The following DGKG variants were observed in gnomAD, a reference collection of about 807,000 sequenced individuals.
The protein encoded by DGKG is DAG kinase gamma.
In DGKG, 78 loss-of-function variants were observed where a neutral mutation model predicts 105.3. The ratio of observed to expected loss-of-function variants is 0.74; its 90% CI spans 0.62 to 0.89. DGKG has a LOEUF of 0.89. Among genes scored for constraint, DGKG ranks in the 40% least tolerant of loss-of-function variants. The pLI, the probability that DGKG is intolerant of heterozygous loss-of-function variation, is 0.00. For synonymous variants in DGKG, 346 were observed against 367.1 expected, an observed-to-expected ratio of 0.94 and a Z score of 0.66; for missense variants, 958 against 1,020.1, an observed-to-expected ratio of 0.94 and a Z score of 0.83.
In DGKG at chr3:186,333,246, C is replaced by T. The variant is rs10451934; in HGVS notation, c.-248-12539G>A. On this transcript the variant is annotated intron_variant, in intron 1 of 24. Coordinates refer to ENST00000265022, the MANE Select transcript of DGKG (RefSeq NM_001346.3). ...GTTAGGAAGGCAAATTCTTGGAACC[C>T]GCACCAGAGCTAGAGAAATTCAGGG... 2.6e-3 allele frequency among the ~76,000 whole-genome samples: 401 copies of T among 152,224 alleles called. 2 individuals carry two copies. Among genetic ancestry groups the T allele is most frequent in the African/African-American group, 8.1e-3 (336 of 41,528 alleles).
At chr3:186,250,697 C>A (rs1034102777) in intron 19 of DGKG, among the ~76,000 whole-genome samples, 1 of 151,486 alleles carries the variant, frequency 6.6e-6, no homozygotes, top group Non-Finnish European at 1.5e-5. Context: ...TTACAGGCAC[C>A]CACCACCACG....
intron 13 of DGKG, among the ~76,000 whole-genome samples, chr3:186,265,669 T>TC (rs1722020090): frequency 7.1e-6 from 1 of 141,180 alleles, no homozygotes; most frequent in East Asian, 2.1e-4. Flanking sequence ...TTTTTTTTTT[T>TC]TTTTTTTTTT....
In DGKG at chr3:186,241,258, A is replaced by G. The variant is rs148548205; in HGVS notation, c.1826+1246T>C. ...GGGCTTTAAATGAATGTCTTCAATG[A>G]ACACTCTAACCTCTCTTTTAAGGAC... is the stretch of plus-strand genomic sequence containing the variant. On this transcript the variant is annotated intron_variant, in intron 20 of 24. Coordinates refer to ENST00000265022, the MANE Select transcript of DGKG (RefSeq NM_001346.3). 1.5e-4 allele frequency among the ~76,000 whole-genome samples: 23 copies of G among 152,266 alleles called. No homozygotes were observed. In the East Asian group the frequency reaches 3.9e-3, roughly 26 times the overall value.
intron 2 of DGKG, among the ~76,000 whole-genome samples, chr3:186,310,290 C>CAAAAA (rs886723244): frequency 4.3e-5 from 3 of 69,814 alleles, no homozygotes; most frequent in African/African-American, 6.0e-5. Context: ...AAAAAAAAAA[C>CAAAAA]CACACACACA....
At chr3:186,309,840 T>C (rs1724430992) in intron 2 of DGKG, among the ~76,000 whole-genome samples, 1 of 152,244 alleles carries the variant, frequency 6.6e-6, no homozygotes, top group Admixed American at 6.5e-5. Flanking sequence ...TCCTGCTTTA[T>C]ATTTAAATGT....
chr3:186,266,387 T>A (rs1722058505), intron 13 of DGKG, among the ~76,000 whole-genome samples: 1 of 152,222 alleles, frequency 6.6e-6, no homozygotes, highest in African/African-American at 2.4e-5. Context: ...TCATCTATTC[T>A]CCTGTTAATG....
intron 5 of DGKG, among the ~76,000 whole-genome samples, chr3:186,295,842 G>A (rs1723531489): frequency 6.6e-6 from 1 of 151,994 alleles, no homozygotes; most frequent in Admixed American, 6.6e-5. Flanking sequence ...TTCTGTGCTG[G>A]GTGTGGTGGC....
chr3:186,198,799 G>A (rs1199499382), intron 21 of DGKG, among the ~76,000 whole-genome samples: 1 of 152,196 alleles, frequency 6.6e-6, no homozygotes, highest in Admixed American at 6.5e-5. Flanking sequence ...GAAAGTACTG[G>A]GAGTCAAAGA....
intron 24 of DGKG, among the ~76,000 whole-genome samples, chr3:186,150,706 A>G (rs759092802): frequency 1.2e-4 from 19 of 152,216 alleles, no homozygotes; most frequent in Admixed American, 3.3e-4. Flanking sequence ...AGAGTTCCCA[A>G]TTGAGTGCCT....
intron 22 of DGKG, among the ~76,000 whole-genome samples, chr3:186,172,585 C>T (rs1716877241): frequency 6.6e-6 from 1 of 152,232 alleles, no homozygotes; most frequent in Non-Finnish European, 1.5e-5. Flanking sequence ...GGCTGGAATC[C>T]TGTCAGTTCA....
intron 20 of DGKG, among the ~76,000 whole-genome samples, chr3:186,238,195 G>A (rs966822504): frequency 4.7e-5 from 7 of 150,516 alleles, no homozygotes; most frequent in Non-Finnish European, 1.0e-4. Context: ...TACTCAGGAG[G>A]CTGTGTAGGA....
intron 1 of DGKG, among the ~76,000 whole-genome samples, chr3:186,327,127 G>A (rs1190211899): frequency 2.0e-5 from 3 of 152,106 alleles, no homozygotes; most frequent in African/African-American, 7.2e-5. Context: ...TTGCACCATT[G>A]CACTCCAGCC....
At chr3:186,207,049 G>C (rs1718780644) in intron 21 of DGKG, among the ~76,000 whole-genome samples, 1 of 152,080 alleles carries the variant, frequency 6.6e-6, no homozygotes, top group African/African-American at 2.4e-5. Flanking sequence ...GCACCCAGCT[G>C]ACATGCTGGC....
At chr3:186,337,957 C>T (rs1184677691) in intron 1 of DGKG, among the ~76,000 whole-genome samples, 1 of 151,842 alleles carries the variant, frequency 6.6e-6, no homozygotes, top group Non-Finnish European at 1.5e-5. Flanking sequence ...ATTGCCTGAG[C>T]CCAGGAGTTC....
chr3:186,294,282 C>A (rs1021222713), intron 5 of DGKG, among the ~76,000 whole-genome samples: 1 of 152,148 alleles, frequency 6.6e-6, no homozygotes, highest in Admixed American at 6.5e-5. Flanking sequence ...TAAAACACAA[C>A]CTGCTCAGAC....
chr3:186,358,897 A>G (rs757263230), intron 1 of DGKG, among the ~76,000 whole-genome samples: 3 of 152,336 alleles, frequency 2.0e-5, no homozygotes, highest in Middle Eastern at 3.4e-3. Context: ...CATTATACAC[A>G]TTTGTATATT....
rs757124372 is a variant in DGKG at position 186,284,751 on chromosome 3, A to T, written c.545-42T>A. The T allele has an allele frequency of 1.3e-6, 2 of 1,563,062 alleles. No homozygotes were observed. Among genetic ancestry groups the T allele is most frequent in the Admixed American group, 3.4e-5 (2 of 59,676 alleles). ...GGTAAGCCTTGAGGTGTCCTCTAAGAAGCGCGGATGGCTGAAGTTTTGATG... is the reference window on the plus strand; with the variant it reads ...GGTAAGCCTTGAGGTGTCCTCTAAGTAGCGCGGATGGCTGAAGTTTTGATG... On this transcript the variant is annotated intron_variant, in intron 6 of 24. Coordinates refer to ENST00000265022, the MANE Select transcript of DGKG (RefSeq NM_001346.3). This position sits in a 1 kb window ranked among gnomAD's most constrained non-coding sequence, Gnocchi z 4.0.
intron 1 of DGKG, among the ~76,000 whole-genome samples, chr3:186,352,476 C>T (rs149947865): frequency 1.0e-3 from 158 of 152,294 alleles, no homozygotes; most frequent in African/African-American, 3.5e-3. Context: ...TCTGGGCCTC[C>T]AGCCACGGAG....
rs62290689 is a variant in DGKG, at chr3:186,353,644, A to G, written c.-249+8302T>C. ...ACTCTCTATCTATATCTATATCTAT[A>G]TCTATGTCTATGTCTATATCTATAT... On this transcript the variant is annotated intron_variant, in intron 1 of 24. Coordinates refer to ENST00000265022, the MANE Select transcript of DGKG (RefSeq NM_001346.3). Among the ~76,000 whole-genome samples the G allele has an allele frequency of 1.4e-3, 136 of 96,918 alleles. 1 individual carries two copies. Among genetic ancestry groups the G allele is most frequent in the South Asian group, 0.012 (30 of 2,472 alleles). 63.6% of individuals were successfully genotyped at this position (96,918 alleles called of 152,430 possible).
Sources: gnomAD v4.1 joint callset for allele counts (sites outside exome capture counted in the v4.1 genomes callset) on GRCh38, gnomAD v4.1.1 for gene constraint, Gnocchi (gnomAD v3.1) non-coding constraint, MANE v1.5 for transcripts, NCBI Gene and HGNC (gene_info 2026-07-23, HGNC 2026-07-21) for gene names.